MAP3K13: variants seen among roughly 807,000 people sequenced by gnomAD.
MAP3K13 encodes leucine zipper-bearing kinase.
MAP3K13 carries 52 observed loss-of-function variants against 104.0 expected under a neutral mutation model. The observed-to-expected ratio is 0.50, with a 90% CI of 0.40 to 0.63. MAP3K13 has a LOEUF of 0.63. Ranked by LOEUF, MAP3K13 falls within the 20% of genes least tolerant of loss-of-function variation. The pLI, the probability that MAP3K13 is intolerant of heterozygous loss-of-function variation, is 0.00. For synonymous variants in MAP3K13, 394 were observed against 442.2 expected (o/e 0.89, Z 1.37); for missense variants, 914 against 1,218.5 (o/e 0.75, Z 3.72).
intron 1 of MAP3K13, among the ~76,000 whole-genome samples, chr3:185,402,093 C>G (rs1712847330): frequency 6.6e-6 from 1 of 152,156 alleles, no homozygotes; most frequent in Non-Finnish European, 1.5e-5. Flanking sequence ...CTTGGACTCT[C>G]CCTACTATAA....
At chr3:185,384,308 C>CTGTGTGTGTGTGTGTG (rs142627913) in intron 1 of MAP3K13, among the ~76,000 whole-genome samples, 233 of 147,572 alleles carry the variant, frequency 1.6e-3, no homozygotes, top group East Asian at 9.3e-3. Context: ...GTATTCCATT[C>CTGTGTGTGTGTGTGTG]TGTGTGTGTG....
chr3:185,379,023 C>T (rs941307783), intron 1 of MAP3K13, among the ~76,000 whole-genome samples: 1 of 152,050 alleles, frequency 6.6e-6, no homozygotes, highest in African/African-American at 2.4e-5. Context: ...GGAAGGTTGC[C>T]CATGGTGAAG....
In MAP3K13 at chr3:185,388,347, C is replaced by T. The variant is rs540648441; in HGVS notation, c.-86+24979C>T. On this transcript the variant is annotated intron_variant, in intron 1 of 13. Coordinates refer to ENST00000265026, the MANE Select transcript of MAP3K13 (RefSeq NM_004721.5). ...CAAAATTTTGTCTCTACAAAAAATACAAAAAGTAGCCGGATGTGGTGGCAT... is the reference window on the plus strand; with the variant it reads ...CAAAATTTTGTCTCTACAAAAAATATAAAAAGTAGCCGGATGTGGTGGCAT... Among the ~76,000 whole-genome samples the T allele has an allele frequency of 6.0e-4, 91 of 151,956 alleles. 3 individuals are homozygous for T. The Middle Eastern group carries it at 0.014, about 23-fold the overall frequency.
rs1284234105 is a variant in MAP3K13, at chr3:185,454,881, A to C, written c.1278+3486A>C. On this transcript the variant is annotated intron_variant, in intron 7 of 13. Transcript: ENST00000265026. ...CATGATATATATATGAGATATATAT[A>C]TGATATATATATGAGATATATATAT... Among the ~76,000 whole-genome samples, 35 of 58,190 alleles carry C rather than the reference A, an allele frequency of 6.0e-4. No homozygotes were observed. In the East Asian group the frequency reaches 0.02, roughly 33 times the overall value. 38.2% of individuals were successfully genotyped at this position (58,190 alleles called of 152,430 possible).
intron 2 of MAP3K13, among the ~76,000 whole-genome samples, chr3:185,320,949 AT>A: frequency 6.6e-6 from 1 of 152,352 alleles, no homozygotes; most frequent in East Asian, 1.9e-4. Flanking sequence ...CAATTCTGGA[AT>A]TAACACCTAT....
At chr3:185,340,661 G>C (rs748196801) in intron 2 of MAP3K13, among the ~76,000 whole-genome samples, 6 of 152,086 alleles carry the variant, frequency 3.9e-5, no homozygotes, top group Non-Finnish European at 7.3e-5. Flanking sequence ...TAATCCTCAC[G>C]TGTCAAGGGC....
rs544413301 is a variant in MAP3K13 at position 185,334,032 on chromosome 3, T to TGACA, written c.-86+48392_-86+48395dup. 1.1e-4 allele frequency among the ~76,000 whole-genome samples: 16 copies of TGACA among 152,170 alleles called. No homozygotes were observed. In the South Asian group the frequency reaches 3.1e-3, roughly 30 times the overall value. ...TCATGCCACTGCACTCCAGTCTGGG[T>TGACA]GACAGAGTGAGACCCTGTCTCAAAA... On this transcript the variant is annotated intron_variant, in intron 2 of 14. Transcript: ENST00000424227.
intron 2 of MAP3K13, among the ~76,000 whole-genome samples, chr3:185,301,107 C>CTTG (rs34319936): frequency 0.78 from 117,596 of 151,386 alleles, 46,202 homozygotes; most frequent in Non-Finnish European, 0.84. Flanking sequence ...CTTACCAACA[C>CTTG]TTATTATTTT....
intron 3 of MAP3K13, among the ~76,000 whole-genome samples, chr3:185,438,053 G>A (rs769229953): frequency 4.5e-4 from 68 of 152,162 alleles, no homozygotes; most frequent in Non-Finnish European, 8.4e-4. Flanking sequence ...AGCACTTTGG[G>A]AGGCCAAGGC....
At position 185,487,346 on chromosome 3, in the gene MAP3K13, T is replaced by TTC. The variant is rs1718767357; in HGVS notation, c.*4890_*4891insTC. 1 of 151,684 alleles carries TTC rather than the reference T, an allele frequency of 6.6e-6. No individual in the cohort carries two copies. Among genetic ancestry groups the TTC allele is most frequent in the South Asian group, 2.1e-4 (1 of 4,802 alleles). 9.4% of individuals were successfully genotyped at this position (151,684 alleles called of 1,614,324 possible). Reference sequence around the variant, plus strand: ...TGCACAACAATTTTTTTTTTTTTTTTGTAGAGATGGGCGTCTCCCTGTGTT... The same window carrying TTC: ...TGCACAACAATTTTTTTTTTTTTTTTTCGTAGAGATGGGCGTCTCCCTGTGTT... On this transcript the variant is annotated 3_prime_UTR_variant, in exon 14 of 14. Coordinates refer to ENST00000265026, the MANE Select transcript of MAP3K13 (RefSeq NM_004721.5).
At chr3:185,453,958 G>T (rs185962014) in intron 7 of MAP3K13, among the ~76,000 whole-genome samples, 4 of 40,796 alleles carry the variant, frequency 9.8e-5, no homozygotes, top group East Asian at 5.6e-4. Flanking sequence ...ATATATATGA[G>T]ATATATATGA....
chr3:185,376,835 C>T (rs1724453576), intron 1 of MAP3K13, among the ~76,000 whole-genome samples: 3 of 151,876 alleles, frequency 2.0e-5, no homozygotes, highest in Admixed American at 2.0e-4. Flanking sequence ...AGAATTATGT[C>T]GAGATAGGTA....
chr3:185,410,753 G>A (rs1400386309), intron 1 of MAP3K13, among the ~76,000 whole-genome samples: 1 of 152,072 alleles, frequency 6.6e-6, no homozygotes, highest in African/African-American at 2.4e-5. Flanking sequence ...TGGCCAACAT[G>A]GAGAAACCCC....
chr3:185,341,132 A>G (rs1328054574), intron 2 of MAP3K13, among the ~76,000 whole-genome samples: 2 of 152,270 alleles, frequency 1.3e-5, no homozygotes, highest in East Asian at 3.8e-4. Context: ...CACGTCCACC[A>G]GAACTTCAAA....
In MAP3K13 at chr3:185,385,525, T is replaced by A. The variant is rs184669272; in HGVS notation, c.-86+22157T>A. Among the ~76,000 whole-genome samples the A allele has an allele frequency of 1.8e-4, 26 of 148,380 alleles. No individual in the cohort carries two copies. In the East Asian group the frequency reaches 5.3e-3, roughly 30 times the overall value. On this transcript the variant is annotated intron_variant, in intron 1 of 13. Coordinates refer to ENST00000265026, the MANE Select transcript of MAP3K13 (RefSeq NM_004721.5). The stretch of plus-strand genomic sequence containing the variant: ...CTAACACGAATTCTTCTCAAACTAT[T>A]CCAAAAAAAATGAAGAGGAGGGAAT...
chr3:185,452,912 A>C (rs1459780598), intron 7 of MAP3K13, among the ~76,000 whole-genome samples: 1 of 152,186 alleles, frequency 6.6e-6, no homozygotes, highest in African/African-American at 2.4e-5. Flanking sequence ...CGGCCAAGCA[A>C]GTCACAGGCC....
intron 1 of MAP3K13, among the ~76,000 whole-genome samples, chr3:185,384,816 TGTTGA>T (rs1462035632): frequency 6.6e-6 from 1 of 152,228 alleles, no homozygotes; most frequent in African/African-American, 2.4e-5. Context: ...TAGTTTTTGT[TGTTGA>T]GTTGTTTGTA....
rs188605080 is a variant in MAP3K13, at chr3:185,441,769, C to T, written c.660-1676C>T. Among the ~76,000 whole-genome samples, 505 of 152,076 alleles carry T rather than the reference C, an allele frequency of 3.3e-3. 2 individuals are homozygous for T. The highest frequency in any genetic ancestry group is 0.012 in the African/African-American group (494 of 41,500). On this transcript the variant is annotated intron_variant, in intron 3 of 13. Coordinates refer to ENST00000265026, the MANE Select transcript of MAP3K13 (RefSeq NM_004721.5). ...AATAAAAAAAATTGGTGGCCAGGAG[C>T]GGTGGCTCAAGCCTGTAATCCCAGC... is the stretch of plus-strand genomic sequence containing the variant.
chr3:185,464,321 A>C (rs1324752073), intron 8 of MAP3K13, among the ~76,000 whole-genome samples: 1 of 152,174 alleles, frequency 6.6e-6, no homozygotes, highest in African/African-American at 2.4e-5. Context: ...ATGTTCACGA[A>C]TAATCACTGA....
Sources: gnomAD v4.1 joint callset for allele counts (sites outside exome capture counted in the v4.1 genomes callset) on GRCh38, gnomAD v4.1.1 for gene constraint, MANE v1.5 for transcripts, NCBI Gene and HGNC (gene_info 2026-07-23, HGNC 2026-07-21) for gene names.